CGNL1: variants seen among roughly 807,000 people sequenced by gnomAD.
CGNL1 encodes the protein cingulin-like protein 1.
CGNL1 carries 132 observed loss-of-function variants against 141.2 expected under a neutral mutation model. That is an observed-to-expected ratio of 0.93 (90% CI 0.81 to 1.08). The LOEUF is 1.08. Among genes scored for constraint, CGNL1 ranks in the 50% least tolerant of loss-of-function variants. The pLI is 0.00. For missense variants in CGNL1, 1,870 were observed against 1,588.6 expected (o/e 1.18, Z -3.01); for synonymous variants, 690 against 622.1 (o/e 1.11, Z -1.63).
At chr15:57,544,435 G>GGC (rs1567180102) in intron 15 of CGNL1, 38 bp from the exon 16 acceptor site, 1 of 1,613,280 alleles carries the variant, frequency 6.2e-7, no homozygotes, top group Admixed American at 1.7e-5. Flanking sequence ...GAGCGTGGCA[G>GGC]ACACATAGCC....
intron 3 of CGNL1, among the ~76,000 whole-genome samples, chr15:57,440,937 C>CA (rs2063178668): frequency 6.6e-6 from 1 of 152,054 alleles, no homozygotes; most frequent in South Asian, 2.1e-4. Flanking sequence ...GCAGTGCTTT[C>CA]CATGCTTATC....
At chr15:57,405,076 A>C (rs560849157) in intron 1 of CGNL1, 1 of 152,176 alleles carries the variant, frequency 6.6e-6, no homozygotes, top group Admixed American at 6.5e-5. Context: ...CTTTTTTTTG[A>C]AATATGAGAT....
chr15:57,447,447 G>A (rs1454367709), intron 4 of CGNL1, among the ~76,000 whole-genome samples: 4 of 152,128 alleles, frequency 2.6e-5, no homozygotes, highest in South Asian at 2.1e-4. Context: ...GACGTTATTC[G>A]TCTTTTGACC....
At chr15:57,477,969 G>C (rs990753039) in intron 8 of CGNL1, among the ~76,000 whole-genome samples, 24 of 152,214 alleles carry the variant, frequency 1.6e-4, no homozygotes, top group Admixed American at 9.2e-4. Context: ...CTTTGCCCCT[G>C]TGTAGCCACT....
chr15:57,538,976 T>C (rs1207490971), intron 14 of CGNL1, among the ~76,000 whole-genome samples: 1 of 152,180 alleles, frequency 6.6e-6, no homozygotes, highest in African/African-American at 2.4e-5. Flanking sequence ...CAGAAGCTGT[T>C]TCTGGACCTC....
intron 8 of CGNL1, among the ~76,000 whole-genome samples, chr15:57,513,542 T>A (rs1396106458): frequency 6.6e-6 from 1 of 152,098 alleles, no homozygotes; most frequent in African/African-American, 2.4e-5. Context: ...TTTTTTGAGA[T>A]GGAGTCTCAC....
chr15:57,519,931 G>T (rs781619060), intron 10 of CGNL1, among the ~76,000 whole-genome samples: 1 of 152,200 alleles, frequency 6.6e-6, no homozygotes, highest in African/African-American at 2.4e-5. Context: ...GGGTATCTGC[G>T]CTCATAGTGA....
intron 1 of CGNL1, among the ~76,000 whole-genome samples, chr15:57,408,548 G>GT (rs1202509264): frequency 1.3e-5 from 2 of 151,990 alleles, no homozygotes; most frequent in Non-Finnish European, 2.9e-5. Context: ...TTTTAGTTTA[G>GT]TTTTTTAGAG....
intron 7 of CGNL1, among the ~76,000 whole-genome samples, chr15:57,461,178 G>A (rs759496116): frequency 6.6e-6 from 1 of 152,094 alleles, no homozygotes; most frequent in East Asian, 1.9e-4. Context: ...TGAATATTGT[G>A]CTCTGCTCAG....
chr15:57,385,938 G>T (rs1302222776), intron 1 of CGNL1, among the ~76,000 whole-genome samples: 2 of 152,218 alleles, frequency 1.3e-5, no homozygotes, highest in Non-Finnish European at 2.9e-5. Context: ...TGACAAAGTG[G>T]AACCTCAAAC....
In CGNL1 at chr15:57,405,766, TTCTTTC is replaced by T. The variant is rs767343311; in HGVS notation, c.-16+29207_-16+29212del. On this transcript the variant is annotated intron_variant, in intron 1 of 18. Transcript: ENST00000281282. ...TCTTTTCCTTTTTCTTTTTCTTTCTTTCTTTCTCTTTCTTTCTTTCTTTCTTTCTTT... is the reference window on the plus strand; with the variant it reads ...TCTTTTCCTTTTTCTTTTTCTTTCTTTCTTTCTTTCTTTCTTTCTTTCTTT... Among the ~76,000 whole-genome samples, 3 of 142,064 alleles carry T rather than the reference TTCTTTC, an allele frequency of 2.1e-5. No individual in the cohort carries two copies. In the East Asian group the frequency reaches 6.4e-4, roughly 30 times the overall value. The allele number at this position is 142,064 out of a possible 152,430, so 93.2% of individuals were successfully genotyped here. A position where few individuals can be genotyped will look rare whatever the true frequency, so the allele number is the denominator to read the frequency against.
At chr15:57,521,056 A>C (rs1487494347) in intron 10 of CGNL1, among the ~76,000 whole-genome samples, 1 of 152,060 alleles carries the variant, frequency 6.6e-6, no homozygotes, top group East Asian at 1.9e-4. Flanking sequence ...TTTTCATCTC[A>C]TTATTCATTG....
At chr15:57,458,329 G>A (rs973843645) in intron 7 of CGNL1, among the ~76,000 whole-genome samples, 22 of 152,282 alleles carry the variant, frequency 1.4e-4, no homozygotes, top group Non-Finnish European at 2.2e-4. Flanking sequence ...CGAGGTGATG[G>A]AGTGAAGTTT....
At chr15:57,432,615 C>T (rs2063058616) in intron 1 of CGNL1, among the ~76,000 whole-genome samples, 1 of 152,144 alleles carries the variant, frequency 6.6e-6, no homozygotes, top group Non-Finnish European at 1.5e-5. Flanking sequence ...AGGCTTAGTC[C>T]CCGACGGCGC....
intron 1 of CGNL1, among the ~76,000 whole-genome samples, chr15:57,401,056 A>G (rs1383956435): frequency 2.6e-5 from 4 of 152,058 alleles, no homozygotes; most frequent in African/African-American, 7.2e-5. Context: ...TATTTTTTAC[A>G]GAGATGGGGT....
At chr15:57,432,389 A>G (rs902388269) in intron 1 of CGNL1, among the ~76,000 whole-genome samples, 1 of 152,222 alleles carries the variant, frequency 6.6e-6, no homozygotes, top group African/African-American at 2.4e-5. Flanking sequence ...AAATGTTTCT[A>G]TCTGGCATAT....
chr15:57,487,786 A>G (rs1333203434), intron 8 of CGNL1, among the ~76,000 whole-genome samples: 1 of 152,176 alleles, frequency 6.6e-6, no homozygotes, highest in African/African-American at 2.4e-5. Flanking sequence ...GCTGCCAGAT[A>G]GGCTAAGTGG....
At chr15:57,532,518 T>C (rs879305770) in intron 14 of CGNL1, among the ~76,000 whole-genome samples, 2 of 152,208 alleles carry the variant, frequency 1.3e-5, no homozygotes, top group East Asian at 3.8e-4. Flanking sequence ...TTATCTGCAC[T>C]TCGCTTGAGA....
At chr15:57,386,301 A>G (rs1664461) in intron 1 of CGNL1, among the ~76,000 whole-genome samples, 151,560 of 152,292 alleles carry the variant, frequency 1, 75,418 homozygotes, top group Middle Eastern at 1. Context: ...TAAAGGGCAG[A>G]TAGGTAATTG....
Sources: gnomAD v4.1 joint callset for allele counts (sites outside exome capture counted in the v4.1 genomes callset) on GRCh38, gnomAD v4.1.1 for gene constraint, MANE v1.5 for transcripts, NCBI Gene and HGNC (gene_info 2026-07-23, HGNC 2026-07-21) for gene names.